The following C4BPA variants were observed in gnomAD, a reference collection of about 807,000 sequenced individuals.
The protein encoded by C4BPA is C4b-binding protein alpha chain.
C4BPA carries 31 observed loss-of-function variants against 63.7 expected under a neutral mutation model. The observed-to-expected ratio is 0.49, with a 90% CI of 0.37 to 0.66. The LOEUF (loss-of-function observed/expected upper bound fraction) is 0.66, where lower values mean the gene tolerates loss of function less well. Among genes scored for constraint, C4BPA ranks in the 30% least tolerant of loss-of-function variants. The probability of loss-of-function intolerance (pLI) is 0.00; values close to 1 mark genes in which losing one functional copy is unlikely to be tolerated. For synonymous variants in C4BPA, 259 were observed against 254.7 expected (o/e 1.02, Z -0.16); for missense variants, 572 against 723.3 (o/e 0.79, Z 2.40).
chr1:207,114,373 C>T (rs1684736266), intron 3 of C4BPA, 88 bp downstream of exon 3: 2 of 1,028,468 alleles, frequency 1.9e-6, no homozygotes, highest in Non-Finnish European at 2.9e-6. Flanking sequence ...CTTTAGTCAC[C>T]AAGAAGACAG....
At chr1:207,130,049 A>G (rs1685128566) in intron 7 of C4BPA, among the ~76,000 whole-genome samples, 1 of 152,152 alleles carries the variant, frequency 6.6e-6, no homozygotes, top group African/African-American at 2.4e-5. Context: ...TGTTTTATGC[A>G]ATTGCTGTTT....
chr1:207,122,367 T>C (rs971344240), intron 4 of C4BPA, among the ~76,000 whole-genome samples: 1 of 152,196 alleles, frequency 6.6e-6, no homozygotes, highest in Non-Finnish European at 1.5e-5. Context: ...TATCTTTTGC[T>C]AGTGAATACT....
intron 4 of C4BPA, among the ~76,000 whole-genome samples, chr1:207,117,860 GT>G (rs924114764): frequency 7.2e-5 from 11 of 152,106 alleles, no homozygotes; most frequent in Admixed American, 3.9e-4. Flanking sequence ...ATCTTGCTGT[GT>G]TTCAAGTGCT....
chr1:207,132,065 C>T (rs1685172088), intron 8 of C4BPA, among the ~76,000 whole-genome samples: 1 of 152,180 alleles, frequency 6.6e-6, no homozygotes. Context: ...AGTCAGGCTT[C>T]CTTCATAGCC....
intron 4 of C4BPA, among the ~76,000 whole-genome samples, chr1:207,119,830 G>A (rs1408765406): frequency 1.0e-4 from 3 of 29,092 alleles, no homozygotes; most frequent in African/African-American, 1.9e-4. Context: ...TCATGTGGTT[G>A]TAGCAGATAT....
chr1:207,126,110 G>T (rs1457737618), intron 6 of C4BPA, among the ~76,000 whole-genome samples: 1 of 151,988 alleles, frequency 6.6e-6, no homozygotes, highest in Non-Finnish European at 1.5e-5. Context: ...ATATGTTTCT[G>T]CTGGGTTATG....
intron 1 of C4BPA, among the ~76,000 whole-genome samples, chr1:207,105,630 G>C (rs749383216): frequency 6.6e-6 from 1 of 151,850 alleles, no homozygotes; most frequent in Non-Finnish European, 1.5e-5. Flanking sequence ...AGTTCTTTCT[G>C]GAGTTTGTAA....
chr1:207,126,751 A>C lies in C4BPA; in HGVS notation c.745A>C (p.Met249Leu), dbSNP rs202143924. ...CAAGCCAGATGTTTCACATGGGGAA[A>C]TGGTCTCTGGATTTGGACCCATCTA... ...CRKPDVSHGE[M>L]VSGFGPIYNY... The change falls in exon 7 of 12, where the codon ATG becomes CTG. Residue 249 changes from methionine (M) to leucine (L), a missense_variant. Met to Leu is a conservative substitution (Grantham distance 15, BLOSUM62 2). Transcript: ENST00000367070. 1 of 1,610,872 alleles carries C rather than the reference A, an allele frequency of 6.2e-7. No individual in the cohort carries two copies. Among genetic ancestry groups the C allele is most frequent in the South Asian group, 1.1e-5 (1 of 90,434 alleles).
chr1:207,112,355 T>TG (rs1684685599), intron 1 of C4BPA, among the ~76,000 whole-genome samples: 1 of 151,332 alleles, frequency 6.6e-6, no homozygotes, highest in Non-Finnish European at 1.5e-5. Context: ...TTTTTGTTTT[T>TG]TTTTTTTTTT....
Position 207,114,982 on chromosome 1 carries a change from G to T in C4BPA, c.329-434G>T, listed in dbSNP as rs549602485. On this transcript the variant is annotated intron_variant, in intron 3 of 11. Transcript: ENST00000367070. Reference sequence around the variant, plus strand: ...AATATTTGCTGTGTTTTGAAGAAAAGTTATAATTCACTGTCAGTTGGGAAT... The same window carrying T: ...AATATTTGCTGTGTTTTGAAGAAAATTTATAATTCACTGTCAGTTGGGAAT... Among the ~76,000 whole-genome samples the T allele has an allele frequency of 3.9e-5, 6 of 152,286 alleles. 1 individual carries two copies. Among genetic ancestry groups the T allele is most frequent in the African/African-American group, 1.2e-4 (5 of 41,560 alleles).
At chr1:207,128,681 G>T (rs527342047) in intron 7 of C4BPA, among the ~76,000 whole-genome samples, 1 of 152,326 alleles carries the variant, frequency 6.6e-6, no homozygotes, top group Admixed American at 6.5e-5. Flanking sequence ...GCCCAAGTCT[G>T]TGCTGTCTGA....
At chr1:207,122,637 G>A (rs113092335) in intron 4 of C4BPA, among the ~76,000 whole-genome samples, 7,333 of 152,194 alleles carry the variant, frequency 0.048, 271 homozygotes, top group Non-Finnish European at 0.078. Context: ...GCAGTGGCAC[G>A]ATCATAGCTC....
chr1:207,107,549 T>C (rs1315452230), intron 1 of C4BPA, among the ~76,000 whole-genome samples: 1 of 152,082 alleles, frequency 6.6e-6, no homozygotes, highest in East Asian at 1.9e-4. Flanking sequence ...AGACCCTGTC[T>C]CAAAAAAGAA....
chr1:207,127,117 CTG>C, intron 7 of C4BPA: 2 of 373,264 alleles, frequency 5.4e-6, no homozygotes, highest in Non-Finnish European at 9.6e-6. Flanking sequence ...TACCACAAGA[CTG>C]TGCACATTCC....
intron 4 of C4BPA, among the ~76,000 whole-genome samples, chr1:207,122,543 C>T (rs7545083): frequency 0.53 from 81,139 of 151,998 alleles, 24,785 homozygotes; most frequent in East Asian, 0.73. Flanking sequence ...TGTAGATTGA[C>T]GTATTGTTTT....
At chr1:207,142,917 A>T (rs1685451882) in intron 10 of C4BPA, among the ~76,000 whole-genome samples, 1 of 152,106 alleles carries the variant, frequency 6.6e-6, no homozygotes, top group Admixed American at 6.5e-5. Flanking sequence ...CCATTGTGGA[A>T]GACAGTGTGG....
At position 207,133,394 on chromosome 1, in the gene C4BPA, G is replaced by A. The variant is rs182413649; in HGVS notation, c.1085-1010G>A. ...ATGTTTTCTCTTACATCAGACAATA[G>A]CAAGTTTTTTCTTAAAGTATTTCTA... On this transcript the variant is annotated intron_variant, in intron 8 of 11. Transcript: ENST00000367070. Among the ~76,000 whole-genome samples the A allele has an allele frequency of 5.9e-5, 9 of 152,308 alleles. No homozygotes were observed. The East Asian group carries it at 1.7e-3, about 29-fold the overall frequency.
chr1:207,108,596 C>G (rs1020710284), intron 1 of C4BPA, among the ~76,000 whole-genome samples: 4 of 152,086 alleles, frequency 2.6e-5, no homozygotes, highest in Non-Finnish European at 5.9e-5. Context: ...GCCTGAATAG[C>G]TTAAAACTTA....
At chr1:207,134,132 G>A (rs151257537) in intron 8 of C4BPA, among the ~76,000 whole-genome samples, 348 of 152,246 alleles carry the variant, frequency 2.3e-3, no homozygotes, top group African/African-American at 7.9e-3. Flanking sequence ...ATAGGCATGA[G>A]CTACCACACC....
Sources: allele counts gnomAD v4.1 joint callset (sites outside exome capture counted in the v4.1 genomes callset), GRCh38; gene constraint gnomAD v4.1.1; transcripts MANE v1.5; gene names NCBI Gene and HGNC (gene_info 2026-07-23, HGNC 2026-07-21).